EYA4: variants seen among roughly 807,000 people sequenced by gnomAD.
EYA4 encodes the protein protein phosphatase EYA4.
In EYA4, 31 loss-of-function variants were observed where a neutral mutation model predicts 87.9. The ratio of observed to expected loss-of-function variants is 0.35; its 90% CI spans 0.27 to 0.48. The LOEUF is 0.48. EYA4 is among the 20% of genes least tolerant of loss of function. The probability of loss-of-function intolerance (pLI) is 0.99; values close to 1 mark genes in which losing one functional copy is unlikely to be tolerated. For missense variants in EYA4, 678 were observed against 761.4 expected, an observed-to-expected ratio of 0.89 and a Z score of 1.29; for synonymous variants, 263 against 270.6, an observed-to-expected ratio of 0.97 and a Z score of 0.28.
At chr6:133,420,890 G>A (rs530354363) in intron 3 of EYA4, among the ~76,000 whole-genome samples, 21 of 152,330 alleles carry the variant, frequency 1.4e-4, no homozygotes, top group African/African-American at 5.1e-4. Context: ...AGCAGGTCCT[G>A]CAGTAGTTCA....
At chr6:133,493,666 A>G (rs888230869) in intron 13 of EYA4, among the ~76,000 whole-genome samples, 1 of 152,226 alleles carries the variant, frequency 6.6e-6, no homozygotes, top group Non-Finnish European at 1.5e-5. Context: ...AATCCACAGA[A>G]TAGGAGAAAA....
chr6:133,397,423 A>G (rs116952003), intron 3 of EYA4, among the ~76,000 whole-genome samples: 1,761 of 152,280 alleles, frequency 0.012, 30 homozygotes, highest in Non-Finnish European at 0.016. Flanking sequence ...CATTCCATCT[A>G]GCAAATTCTT....
intron 1 of EYA4, among the ~76,000 whole-genome samples, chr6:133,253,383 G>A (rs1221009699): frequency 1.3e-5 from 2 of 152,134 alleles, no homozygotes; most frequent in Non-Finnish European, 2.9e-5. Context: ...CAAAAACCCA[G>A]AGGTTCTATT....
At chr6:133,390,765 A>T (rs1787192963) in intron 3 of EYA4, among the ~76,000 whole-genome samples, 4 of 152,308 alleles carry the variant, frequency 2.6e-5, no homozygotes, top group African/African-American at 9.6e-5. Context: ...ATCTATTTTT[A>T]GGTAATACTT....
intron 9 of EYA4, 56 bp downstream of exon 9, chr6:133,462,820 C>A: frequency 6.7e-7 from 1 of 1,500,362 alleles, no homozygotes; most frequent in African/African-American, 1.4e-5. Context: ...GAGTGAGACT[C>A]ATTGGCTTCA....
At chr6:133,398,911 A>C (rs991726657) in intron 3 of EYA4, among the ~76,000 whole-genome samples, 3 of 152,232 alleles carry the variant, frequency 2.0e-5, no homozygotes, top group African/African-American at 7.2e-5. Flanking sequence ...TGCATGTTGC[A>C]GGAGGGTTGG....
chr6:133,436,278 T>C (rs1791673124), intron 3 of EYA4, among the ~76,000 whole-genome samples: 1 of 151,710 alleles, frequency 6.6e-6, no homozygotes, highest in Non-Finnish European at 1.5e-5. Flanking sequence ...ACTAATTCCA[T>C]CTCCCCTTAC....
intron 3 of EYA4, among the ~76,000 whole-genome samples, chr6:133,430,911 A>ATAG: frequency 6.6e-6 from 1 of 152,288 alleles, no homozygotes; most frequent in African/African-American, 2.4e-5. Flanking sequence ...AGATAATGGG[A>ATAG]TAGTAGGCAA....
chr6:133,359,964 CAGAG>C (rs953844573), intron 2 of EYA4, among the ~76,000 whole-genome samples: 5 of 152,244 alleles, frequency 3.3e-5, no homozygotes, highest in Admixed American at 6.5e-5. Context: ...AACCAGAAGA[CAGAG>C]AAAGAACGCT....
chr6:133,280,788 T>A (rs1386796650), intron 2 of EYA4, among the ~76,000 whole-genome samples: 2 of 152,192 alleles, frequency 1.3e-5, no homozygotes, highest in East Asian at 3.8e-4. Flanking sequence ...CATAGAGTTG[T>A]ACAATTATTA....
intron 11 of EYA4, among the ~76,000 whole-genome samples, chr6:133,472,448 G>T (rs1795353407): frequency 1.1e-5 from 1 of 93,676 alleles, no homozygotes; most frequent in Admixed American, 1.3e-4. Context: ...ATTGCACTGT[G>T]GTCTGAGAGA....
intron 3 of EYA4, among the ~76,000 whole-genome samples, chr6:133,409,680 G>A (rs1789036165): frequency 6.6e-6 from 1 of 152,166 alleles, no homozygotes; most frequent in Non-Finnish European, 1.5e-5. Flanking sequence ...GTAGTTACCA[G>A]AGATGGGAGG....
At chr6:133,302,491 T>C (rs1779486201) in intron 2 of EYA4, among the ~76,000 whole-genome samples, 3 of 152,242 alleles carry the variant, frequency 2.0e-5, no homozygotes, top group African/African-American at 7.2e-5. Context: ...TTGGAACTTA[T>C]TCAGCCAGAA....
At chr6:133,255,247 T>A (rs1179471836) in intron 1 of EYA4, among the ~76,000 whole-genome samples, 1 of 152,226 alleles carries the variant, frequency 6.6e-6, no homozygotes, top group Admixed American at 6.5e-5. Flanking sequence ...CAAGTTTTTT[T>A]TTTTAATCTG....
rs1485897156 is a variant in EYA4, at chr6:133,342,605, A to ATATATATATATATATC, written c.34-39787_34-39786insTATATATATATATATC. On this transcript the variant is annotated intron_variant, in intron 2 of 19. Coordinates refer to ENST00000355286, the MANE Select transcript of EYA4 (RefSeq NM_004100.5). ...TATATATATATATATATATATATAT[A>ATATATATATATATATC]ATTCTTTATATTTCTCTGGGCTTAA... is the stretch of plus-strand genomic sequence containing the variant. 6.7e-3 allele frequency among the ~76,000 whole-genome samples: 873 copies of ATATATATATATATATC among 130,300 alleles called. 51 individuals are homozygous for ATATATATATATATATC. Among genetic ancestry groups the ATATATATATATATATC allele is most frequent in the African/African-American group, 0.026 (787 of 30,416 alleles). The allele number at this position is 130,300 out of a possible 152,430, so 85.5% of individuals were successfully genotyped here.
intron 13 of EYA4, among the ~76,000 whole-genome samples, 179 bp downstream of exon 13, chr6:133,483,294 A>C (rs1283755318): frequency 2.0e-5 from 3 of 152,206 alleles, no homozygotes; most frequent in Non-Finnish European, 4.4e-5. Flanking sequence ...AAATTTAACA[A>C]AGCTAATTAT....
chr6:133,409,011 A>G (rs1316217904), intron 3 of EYA4, among the ~76,000 whole-genome samples: 2 of 152,164 alleles, frequency 1.3e-5, no homozygotes, highest in African/African-American at 4.8e-5. Flanking sequence ...GGATTTTATT[A>G]TGAGTGAAAT....
chr6:133,300,132 A>G (rs908265454), intron 2 of EYA4, among the ~76,000 whole-genome samples: 13 of 152,272 alleles, frequency 8.5e-5, no homozygotes, highest in African/African-American at 3.1e-4. Context: ...AAGGAAGAGC[A>G]AGTAGATTTA....
intron 13 of EYA4, among the ~76,000 whole-genome samples, chr6:133,490,287 C>T (rs1331702352): frequency 6.6e-6 from 1 of 151,138 alleles, no homozygotes; most frequent in Non-Finnish European, 1.5e-5. Flanking sequence ...AAACAAATAA[C>T]AAAATGGCAG....
Sources: gnomAD v4.1 joint callset for allele counts (sites outside exome capture counted in the v4.1 genomes callset) on GRCh38, gnomAD v4.1.1 for gene constraint, MANE v1.5 for transcripts, NCBI Gene and HGNC (gene_info 2026-07-23, HGNC 2026-07-21) for gene names.